Variants in TRPM6 observed in about 807,000 individuals in gnomAD.
The protein encoded by TRPM6 is channel kinase 2.
TRPM6 carries 111 observed loss-of-function variants against 247.6 expected under a neutral mutation model. The observed-to-expected ratio is 0.45, with a 90% CI of 0.38 to 0.52. TRPM6 has a LOEUF of 0.52. Ranked by LOEUF, TRPM6 falls within the 20% of genes least tolerant of loss-of-function variation. The pLI is 0.00. For missense variants in TRPM6, 2,126 were observed against 2,421.5 expected, an observed-to-expected ratio of 0.88 and a Z score of 2.56; for synonymous variants, 892 against 853.8, an observed-to-expected ratio of 1.04 and a Z score of -0.78.
intron 34 of TRPM6, 24 bp downstream of exon 34, chr9:74,739,699 T>C (rs369156997): frequency 4.9e-5 from 79 of 1,608,980 alleles, no homozygotes; most frequent in Non-Finnish European, 6.1e-5. Context: ...CTCTGGGCTA[T>C]GGGTCTCTGA....
chr9:74,736,895 C>CAA (rs1190505876), intron 36 of TRPM6, among the ~76,000 whole-genome samples: 2 of 152,148 alleles, frequency 1.3e-5, no homozygotes, highest in Non-Finnish European at 2.9e-5. Flanking sequence ...AAAACCTATT[C>CAA]AAGTGGAATA....
At chr9:74,748,607 GA>G (rs1407448339) in intron 30 of TRPM6, among the ~76,000 whole-genome samples, 1 of 151,978 alleles carries the variant, frequency 6.6e-6, no homozygotes, top group African/African-American at 2.4e-5. Flanking sequence ...TGTAAGAAGT[GA>G]AAATAAATAA....
Position 74,820,419 on chromosome 9 carries a change from C to T in TRPM6, c.1019G>A (p.Arg340Gln), listed in dbSNP as rs147157434. ...GATGATCTCCTCTTTCACCTGAGGT[C>T]GCAGCATCCTGGAAGAGAAATAAAT... is the stretch of plus-strand genomic sequence containing the variant. ...HKHLADEGMLRPQVKEEIICM... is the reference protein window; with the variant it reads ...HKHLADEGMLQPQVKEEIICM... The change falls in exon 9 of 39, where the codon CGA (arginine) becomes CAA (glutamine). Residue 340 changes from arginine to glutamine, a missense_variant. This residue lies in a region of TRPM6 where 1,082 missense variants were observed against 1,307.9 expected (regional missense o/e 0.83). Transcript: ENST00000360774. 2.4e-5 allele frequency: 38 copies of T among 1,614,004 alleles called. No homozygotes were observed. The highest frequency in any genetic ancestry group is 3.1e-5 in the Non-Finnish European group (37 of 1,180,000).
At chr9:74,788,293 T>A (rs977695478) in intron 20 of TRPM6, among the ~76,000 whole-genome samples, 14 of 151,978 alleles carry the variant, frequency 9.2e-5, no homozygotes, top group Admixed American at 9.2e-4. Context: ...CTTGGGGAAA[T>A]CAAATAGTTG....
chr9:74,872,444 T>C (rs983012727), intron 1 of TRPM6, among the ~76,000 whole-genome samples: 35 of 152,140 alleles, frequency 2.3e-4, no homozygotes, highest in Non-Finnish European at 3.1e-4. Flanking sequence ...TGAGCTCTTT[T>C]TGAGACAGGG....
Position 74,792,681 on chromosome 9 carries a change from C to G in TRPM6, c.2481G>C (p.Trp827Cys). 6.2e-7 allele frequency: 1 copy of G among 1,614,072 alleles called. No individual in the cohort carries two copies. The highest frequency in any genetic ancestry group is 8.5e-7 in the Non-Finnish European group (1 of 1,179,968). Residue 827 changes from tryptophan (W) to cysteine (C), a missense_variant, in exon 19 of 39, where the codon TGG becomes TGC. Trp to Cys is a radical substitution (Grantham distance 215, BLOSUM62 -2). This residue lies in a region of TRPM6 where 1,082 missense variants were observed against 1,307.9 expected (regional missense o/e 0.83). Coordinates refer to ENST00000360774, the MANE Select transcript of TRPM6 (RefSeq NM_017662.5). ...GLESGHQHLP[W>C]TRKVYEFYSA... ...TGTAGAACTCATAGACTTTCCTGGT[C>G]CACGGAAGGTGTTGGTGCCCACTTT...
chr9:74,815,166 T>C (rs1004645715), intron 11 of TRPM6, among the ~76,000 whole-genome samples: 2 of 151,948 alleles, frequency 1.3e-5, no homozygotes, highest in Non-Finnish European at 2.9e-5. Flanking sequence ...TGAAAACATA[T>C]GATTGCCAAG....
chr9:74,874,625 A>G (rs952917799), intron 1 of TRPM6, among the ~76,000 whole-genome samples: 2 of 152,156 alleles, frequency 1.3e-5, no homozygotes, highest in African/African-American at 4.8e-5. Context: ...AATATATTTT[A>G]TCCATAGAAA....
intron 33 of TRPM6, among the ~76,000 whole-genome samples, chr9:74,741,328 T>C (rs763068220): frequency 6.6e-6 from 1 of 151,452 alleles, no homozygotes; most frequent in African/African-American, 2.4e-5. Context: ...TCTATATATA[T>C]ATAGAAGCAT....
At chr9:74,815,038 G>C (rs1828877188) in intron 11 of TRPM6, among the ~76,000 whole-genome samples, 1 of 152,112 alleles carries the variant, frequency 6.6e-6, no homozygotes, top group Non-Finnish European at 1.5e-5. Context: ...GGGAACATGG[G>C]AGGAAAGAGA....
intron 5 of TRPM6, among the ~76,000 whole-genome samples, chr9:74,836,933 T>C (rs992160334): frequency 6.6e-6 from 1 of 152,338 alleles, no homozygotes; most frequent in Admixed American, 6.5e-5. Context: ...TGCCCTCAGT[T>C]GAAACTAGAA....
chr9:74,797,012 C>T (rs1021951772), intron 17 of TRPM6, 119 bp from the exon 18 acceptor site: 72 of 884,576 alleles, frequency 8.1e-5, no homozygotes, highest in South Asian at 2.1e-4. Flanking sequence ...AGTCAATTTT[C>T]ATCGCATTTC....
At chr9:74,813,557 G>T (rs985056621) in intron 11 of TRPM6, among the ~76,000 whole-genome samples, 1 of 152,160 alleles carries the variant, frequency 6.6e-6, no homozygotes, top group African/African-American at 2.4e-5. Context: ...GAAAAGACAT[G>T]AATATGTTGG....
At chr9:74,744,882 G>C (rs1825982630) in intron 31 of TRPM6, among the ~76,000 whole-genome samples, 1 of 152,188 alleles carries the variant, frequency 6.6e-6, no homozygotes, top group Non-Finnish European at 1.5e-5. Flanking sequence ...ATCTCTCTGG[G>C]TTTTTGTTGC....
chr9:74,787,024 C>T (rs1827703538), intron 20 of TRPM6, among the ~76,000 whole-genome samples: 1 of 151,670 alleles, frequency 6.6e-6, no homozygotes, highest in African/African-American at 2.4e-5. Flanking sequence ...CATGATGAAA[C>T]CCCGTCTCTA....
intron 5 of TRPM6, among the ~76,000 whole-genome samples, chr9:74,838,000 T>C (rs534535800): frequency 6.6e-6 from 1 of 152,264 alleles, no homozygotes; most frequent in East Asian, 1.9e-4. Context: ...TCACCAGCCC[T>C]CAGCTTCCCG....
rs749240078 is a variant in TRPM6 at position 74,800,289 on chromosome 9, C to G, written c.2203G>C (p.Gly735Arg). The change falls in exon 17 of 39, where the codon GGG becomes CGG. Residue 735 changes from glycine (G) to arginine (R), a missense_variant. Gly to Arg is a moderately radical substitution (Grantham distance 125). Transcript: ENST00000360774. Reference sequence around the variant, plus strand: ...GAGTTTTTCCTCATTTTCAGCCTCCCCATCCACATGTCTGTCAGTAGCATC... The same window carrying G: ...GAGTTTTTCCTCATTTTCAGCCTCCGCATCCACATGTCTGTCAGTAGCATC... ...TQMLLTDMWM[G>R]RLKMRKNSWL... 1.2e-6 allele frequency: 2 copies of G among 1,614,158 alleles called. No individual in the cohort carries two copies. The highest frequency in any genetic ancestry group is 1.7e-6 in the Non-Finnish European group (2 of 1,180,042).
At chr9:74,842,730 G>A (rs930255691) in intron 3 of TRPM6, among the ~76,000 whole-genome samples, 2 of 152,138 alleles carry the variant, frequency 1.3e-5, no homozygotes, top group South Asian at 2.1e-4. Flanking sequence ...ATAGCATTAC[G>A]TCTAAAAAAC....
chr9:74,758,711 T>G (rs1364655695), intron 27 of TRPM6, among the ~76,000 whole-genome samples: 1 of 152,168 alleles, frequency 6.6e-6, no homozygotes, highest in Non-Finnish European at 1.5e-5. Flanking sequence ...GCTTTTCCCC[T>G]AAGAACAGAC....
Sources: gnomAD v4.1 joint callset for allele counts (sites outside exome capture counted in the v4.1 genomes callset) on GRCh38, gnomAD v4.1.1 for gene constraint, gnomAD v4.1.1 regional missense constraint, MANE v1.5 for transcripts, NCBI Gene and HGNC (gene_info 2026-07-23, HGNC 2026-07-21) for gene names.